The following OSBPL5 variants were observed in gnomAD, a reference collection of about 807,000 sequenced individuals.
OSBPL5 encodes the protein oxysterol-binding protein-related protein 5.
Under a neutral mutation model 111.2 loss-of-function variants are expected in OSBPL5, and 71 were observed. The observed-to-expected ratio is 0.64, with a 90% CI of 0.53 to 0.78. The LOEUF (loss-of-function observed/expected upper bound fraction) is 0.78. OSBPL5 is among the 30% of genes least tolerant of loss of function. The pLI is 0.00. For synonymous variants in OSBPL5, 549 were observed against 513.9 expected (o/e 1.07, Z -0.93); for missense variants, 1,210 against 1,189.3 (o/e 1.02, Z -0.26).
intron 1 of OSBPL5, among the ~76,000 whole-genome samples, chr11:3,134,202 C>T (rs1845889633): frequency 6.6e-6 from 1 of 152,230 alleles, no homozygotes; most frequent in African/African-American, 2.4e-5. Flanking sequence ...ACATCAGATG[C>T]TGGGTCGCCT....
Position 3,094,229 on chromosome 11 carries a change from A to C in OSBPL5, c.1719+8T>G. The C allele has an allele frequency of 1.2e-6, 2 of 1,612,622 alleles. No individual in the cohort carries two copies. ...GCCTCGTCTCCCCCAGGCTGCAGCC[A>C]GCGCTACCTTGAGTTTGAATTCCAG... On this transcript the variant is annotated splice_region_variant and intron_variant, in intron 15 of 21. Coordinates refer to ENST00000263650, the MANE Select transcript of OSBPL5 (RefSeq NM_020896.4).
intron 7 of OSBPL5, among the ~76,000 whole-genome samples, chr11:3,114,591 A>ACC (rs774192603): frequency 2.6e-5 from 3 of 113,900 alleles, no homozygotes; most frequent in South Asian, 2.7e-4. Context: ...TAGAACAATG[A>ACC]TTTTTTTTTT....
rs779620642 is a variant in OSBPL5 at position 3,107,720 on chromosome 11, C to A, written c.866+51G>T. Reference sequence around the variant, plus strand: ...TGTCCTCTCCCCTCTTCCTCGCCTACAAGGAGACCCCGTGAATCACCACCA... The same window carrying A: ...TGTCCTCTCCCCTCTTCCTCGCCTAAAAGGAGACCCCGTGAATCACCACCA... On this transcript the variant is annotated intron_variant, in intron 8 of 21. Transcript: ENST00000263650. This position sits in a 1 kb window ranked among gnomAD's most constrained non-coding sequence, Gnocchi z 6.1. 1.3e-6 allele frequency: 2 copies of A among 1,596,526 alleles called. No homozygotes were observed. The highest frequency in any genetic ancestry group is 1.7e-6 in the Non-Finnish European group (2 of 1,173,630).
rs904445092 is a variant in OSBPL5 at position 3,130,844 on chromosome 11, C to T, written c.-21-1675G>A. On this transcript the variant is annotated intron_variant, in intron 1 of 21. Transcript: ENST00000263650. This position sits in a 1 kb window ranked among gnomAD's most constrained non-coding sequence, Gnocchi z 4.5. ...CCCTACTTGTCAATCACAACAAACA[C>T]GTCCTACTTGCCCAGGTGCAGCTCA... 3.3e-5 allele frequency among the ~76,000 whole-genome samples: 5 copies of T among 152,174 alleles called. No individual in the cohort carries two copies. Among genetic ancestry groups the T allele is most frequent in the African/African-American group, 7.2e-5 (3 of 41,442 alleles).
intron 1 of OSBPL5, among the ~76,000 whole-genome samples, chr11:3,148,511 GTC>G (rs1590724011): frequency 6.6e-6 from 1 of 152,374 alleles, no homozygotes; most frequent in East Asian, 1.9e-4. Context: ...TGAGTGCGGA[GTC>G]TCTTTCCAGC....
chr11:3,138,862 T>A (rs1024329926), intron 1 of OSBPL5, among the ~76,000 whole-genome samples: 2 of 152,204 alleles, frequency 1.3e-5, no homozygotes, highest in Non-Finnish European at 2.9e-5. Flanking sequence ...TGTCTCCTCA[T>A]CTGGCCCCAG....
intron 1 of OSBPL5, among the ~76,000 whole-genome samples, chr11:3,145,115 T>A (rs1217437034): frequency 6.6e-6 from 1 of 152,216 alleles, no homozygotes; most frequent in East Asian, 1.9e-4. Context: ...CCTCCCGCTC[T>A]GCCTGGCCCT....
chr11:3,090,460 A>T, intron 20 of OSBPL5, 98 bp downstream of exon 20: 1 of 1,494,734 alleles, frequency 6.7e-7, no homozygotes, highest in Non-Finnish European at 9.1e-7. Flanking sequence ...GTTGCCCTAC[A>T]TCTGGGCAGG....
chr11:3,101,761 GC>G, intron 12 of OSBPL5, 62 bp from the exon 13 acceptor site: 2 of 1,399,208 alleles, frequency 1.4e-6, no homozygotes, highest in Non-Finnish European at 2.0e-6. Flanking sequence ...GGAAGCGAGA[GC>G]CCAGCTTCCC....
chr11:3,129,245 C>G, intron 1 of OSBPL5, 76 bp from the exon 2 acceptor site: 1 of 1,302,408 alleles, frequency 7.7e-7, no homozygotes, highest in Non-Finnish European at 9.9e-7. Flanking sequence ...TGGGGGTGCC[C>G]CTGGCTAAGA....
chr11:3,114,633 C>T (rs1302442425), intron 7 of OSBPL5, among the ~76,000 whole-genome samples: 1 of 123,596 alleles, frequency 8.1e-6, no homozygotes, highest in Non-Finnish European at 1.6e-5. Context: ...GAGTCTCGCT[C>T]TGTTGCCCAG....
chr11:3,164,895 G>C (rs1267807056), intron 1 of OSBPL5, among the ~76,000 whole-genome samples: 1 of 152,094 alleles, frequency 6.6e-6, no homozygotes, highest in Non-Finnish European at 1.5e-5. Context: ...CCCACCAAGT[G>C]GGGAGCCGAG....
intron 1 of OSBPL5, among the ~76,000 whole-genome samples, chr11:3,149,521 G>A (rs1846494707): frequency 6.6e-6 from 1 of 152,228 alleles, no homozygotes; most frequent in Non-Finnish European, 1.5e-5. Context: ...ATGTGTGCCT[G>A]TGGCAGGGGT....
chr11:3,111,796 C>A (rs185313232), intron 7 of OSBPL5, among the ~76,000 whole-genome samples: 1 of 152,326 alleles, frequency 6.6e-6, no homozygotes, highest in East Asian at 1.9e-4. Flanking sequence ...AACAAGGCCA[C>A]ATTTTCACTA....
In OSBPL5 at chr11:3,107,539, C is replaced by T. The variant is rs115277736; in HGVS notation, c.867-84G>A. ...CTGGGCTGCCCACCCCTCGCTGCTC[C>T]GCACTTCACATACGTTCCTGCCTGT... On this transcript the variant is annotated intron_variant, in intron 8 of 21. Transcript: ENST00000263650. This position sits in a 1 kb window ranked among gnomAD's most constrained non-coding sequence, Gnocchi z 6.1. 3,915 of 1,491,958 alleles carry T rather than the reference C, an allele frequency of 2.6e-3. 84 individuals are homozygous for T. The African/African-American group carries it at 0.048, about 18-fold the overall frequency. The allele number at this position is 1,491,958 out of a possible 1,614,324, so 92.4% of individuals were successfully genotyped here. A position where few individuals can be genotyped will look rare whatever the true frequency, so the allele number is the denominator to read the frequency against.
chr11:3,131,904 TTCAGGCATCCATCCATCCTCCTGTC>T (rs1845818457), intron 1 of OSBPL5, among the ~76,000 whole-genome samples: 3 of 13,964 alleles, frequency 2.1e-4, no homozygotes, highest in African/African-American at 1.6e-3. Context: ...CTCCCTCCCT[TTCAGGCATCCATCCATCCTCCTGTC>T]CATCCATCCA....
At position 3,140,217 on chromosome 11, in the gene OSBPL5, G is replaced by C. The variant is rs560478739; in HGVS notation, c.-21-11048C>G. 3.3e-5 allele frequency among the ~76,000 whole-genome samples: 5 copies of C among 152,316 alleles called. No homozygotes were observed. The East Asian group carries it at 9.6e-4, about 29-fold the overall frequency. On this transcript the variant is annotated intron_variant, in intron 1 of 21. Coordinates refer to ENST00000263650, the MANE Select transcript of OSBPL5 (RefSeq NM_020896.4). The surrounding 1 kb of genome is among the most constrained non-coding windows in gnomAD (Gnocchi z 4.5). ...AAGGAGGGAGGGGATAATTGCAGTG[G>C]TGTCTCCCTGGCCAGGCTGCTGAGT...
chr11:3,101,798 C>A, intron 12 of OSBPL5, 99 bp from the exon 13 acceptor site: 1 of 948,904 alleles, frequency 1.1e-6, no homozygotes, highest in South Asian at 1.5e-5. Flanking sequence ...CTGTCCCTGA[C>A]GCCACATCTT....
At chr11:3,089,181 A>G (rs1856974929) in intron 21 of OSBPL5, among the ~76,000 whole-genome samples, 1 of 152,160 alleles carries the variant, frequency 6.6e-6, no homozygotes, top group Non-Finnish European at 1.5e-5. Flanking sequence ...AAGGCTCTTG[A>G]GCCTCACAGA....
Sources: allele counts gnomAD v4.1 joint callset (sites outside exome capture counted in the v4.1 genomes callset), GRCh38; gene constraint gnomAD v4.1.1; non-coding constraint Gnocchi (gnomAD v3.1); transcripts MANE v1.5; gene names NCBI Gene and HGNC (gene_info 2026-07-23, HGNC 2026-07-21).